SMYD4: variants seen among roughly 807,000 people sequenced by gnomAD.
SMYD4 encodes protein-lysine N-methyltransferase SMYD4.
Under a neutral mutation model 72.8 loss-of-function variants are expected in SMYD4, and 68 were observed. That is an observed-to-expected ratio of 0.93 (90% CI 0.77 to 1.14). The LOEUF (loss-of-function observed/expected upper bound fraction) is 1.14, where lower values mean the gene tolerates loss of function less well. Among genes scored for constraint, SMYD4 ranks in the 50% most tolerant of loss-of-function variants. SMYD4 has a pLI of 0.00. For synonymous variants in SMYD4, 407 were observed against 388.6 expected (o/e 1.05, Z -0.56); for missense variants, 984 against 1,003.7 (o/e 0.98, Z 0.27).
At chr17:1,815,736 G>A (rs1910558800) in intron 2 of SMYD4, among the ~76,000 whole-genome samples, 1 of 149,248 alleles carries the variant, frequency 6.7e-6, no homozygotes, top group South Asian at 2.1e-4. Context: ...GTCTCGCTCT[G>A]TCACCGAGGC....
At chr17:1,783,849 G>A in intron 8 of SMYD4, 1 of 315,748 alleles carries the variant, frequency 3.2e-6, no homozygotes, top group Non-Finnish European at 5.9e-6. Flanking sequence ...TCTAAGGCAG[G>A]GTTTTCAAGG....
At chr17:1,804,801 G>A (rs1909952932) in intron 3 of SMYD4, 86 bp from the exon 4 acceptor site, 1 of 1,336,836 alleles carries the variant, frequency 7.5e-7, no homozygotes, top group East Asian at 2.4e-5. Flanking sequence ...CTCTAGTACT[G>A]AAGACTGTGT....
chr17:1,821,530 A>G (rs564093583), intron 2 of SMYD4, among the ~76,000 whole-genome samples: 1 of 152,214 alleles, frequency 6.6e-6, no homozygotes, highest in East Asian at 1.9e-4. Context: ...AACAAAAACA[A>G]AAAACAAAGT....
Position 1,779,620 on chromosome 17 carries a change from GAGT to G in SMYD4, c.*1663_*1665del, listed in dbSNP as rs1908269244. 1 of 152,272 alleles carries G rather than the reference GAGT, an allele frequency of 6.6e-6. No individual in the cohort carries two copies. The highest frequency in any genetic ancestry group is 2.1e-4 in the South Asian group (1 of 4,836). 9.4% of individuals were successfully genotyped at this position (152,272 alleles called of 1,614,324 possible). ...CCAAGAGTACAGAATGAAGGGCAGA[GAGT>G]AAGGACTGGAAAACTGGCAGGAAAC... On this transcript the variant is annotated 3_prime_UTR_variant, in exon 11 of 11. Transcript: ENST00000305513.
At chr17:1,799,536 AT>A (rs1367788622) in intron 5 of SMYD4, among the ~76,000 whole-genome samples, 1 of 151,432 alleles carries the variant, frequency 6.6e-6, no homozygotes, top group African/African-American at 2.4e-5. Flanking sequence ...TGCCCAGCTA[AT>A]TTTTTTATTT....
rs1387416290 is a variant in SMYD4, at chr17:1,779,936, A to G, written c.*1350T>C. ...TGTTCCAGGGAAACAGACTATCATC[A>G]CTGAGCGAGGTGGAATCCAGCCAAA... On this transcript the variant is annotated 3_prime_UTR_variant, in exon 11 of 11. Coordinates refer to ENST00000305513, the MANE Select transcript of SMYD4 (RefSeq NM_052928.3). 1 of 152,640 alleles carries G rather than the reference A, an allele frequency of 6.6e-6. No homozygotes were observed. The highest frequency in any genetic ancestry group is 1.5e-5 in the Non-Finnish European group (1 of 68,042). 9.5% of individuals were successfully genotyped at this position (152,640 alleles called of 1,614,324 possible).
rs573891754 is a variant in SMYD4 at position 1,787,542 on chromosome 17, C to T, written c.1600G>A (p.Val534Ile). 1.9e-6 allele frequency: 3 copies of T among 1,595,090 alleles called. No individual in the cohort carries two copies. The highest frequency in any genetic ancestry group is 2.7e-5 in the African/African-American group (2 of 74,638). Residue 534 changes from valine to isoleucine, a missense_variant, in exon 6 of 11, where the codon GTT becomes ATT. Val to Ile is a conservative substitution (Grantham distance 29, BLOSUM62 3). Transcript: ENST00000305513. ...QVRLATGIFP[V>I]ISLLNHSCSP... ...CAGGAGTGGTTCAGGAGGCTGATAA[C>T]AGGGAAGATGCCTGTGGCAAGGCGC... is the stretch of plus-strand genomic sequence containing the variant.
At chr17:1,794,068 T>C (rs186029161) in intron 5 of SMYD4, among the ~76,000 whole-genome samples, 10,823 of 59,790 alleles carry the variant, frequency 0.18, 1,231 homozygotes, top group Non-Finnish European at 0.23. Flanking sequence ...TATATATATG[T>C]GTATATATAT....
intron 5 of SMYD4, among the ~76,000 whole-genome samples, chr17:1,790,385 T>C (rs772466067): frequency 1.2e-4 from 18 of 152,190 alleles, no homozygotes; most frequent in African/African-American, 1.9e-4. Context: ...CATCTATTAG[T>C]AGAGATAATA....
Position 1,827,986 on chromosome 17 carries a change from C to T in SMYD4, c.9G>A (p.Leu3=). Residue 3 remains leucine (L), a synonymous_variant, in exon 2 of 11, where the codon CTG becomes CTA. Coordinates refer to ENST00000305513, the MANE Select transcript of SMYD4 (RefSeq NM_052928.3). The stretch of plus-strand genomic sequence containing the variant: ...GATATGATTTCCATTCATCCACAGG[C>T]AGATCCATGCTGCTTTTGATCTATA... MD[L]PVDEWKSYLL... is the part of the protein sequence containing the mutation. 1 of 1,609,904 alleles carries T rather than the reference C, an allele frequency of 6.2e-7. No homozygotes were observed. The highest frequency in any genetic ancestry group is 1.3e-5 in the African/African-American group (1 of 74,982).
chr17:1,820,064 A>C (rs980972536), intron 2 of SMYD4, among the ~76,000 whole-genome samples: 2 of 152,210 alleles, frequency 1.3e-5, no homozygotes, highest in African/African-American at 4.8e-5. Flanking sequence ...CTGGGATTAC[A>C]GGCATGAGCC....
intron 5 of SMYD4, among the ~76,000 whole-genome samples, chr17:1,798,073 T>G (rs1909500050): frequency 6.6e-6 from 1 of 152,022 alleles, no homozygotes; most frequent in Non-Finnish European, 1.5e-5. Flanking sequence ...CAGTCTGGTT[T>G]GACTATTATT....
At chr17:1,801,936 A>G (rs1909785306) in intron 4 of SMYD4, among the ~76,000 whole-genome samples, 1 of 152,104 alleles carries the variant, frequency 6.6e-6, no homozygotes, top group South Asian at 2.1e-4. Context: ...AGATCATGCC[A>G]CTGAACTCCA....
chr17:1,794,105 A>ATATATATATTTT (rs1291818005), intron 5 of SMYD4, among the ~76,000 whole-genome samples: 1 of 12,992 alleles, frequency 7.7e-5, no homozygotes, highest in Admixed American at 1.3e-3. Context: ...ATATATATAT[A>ATATATATATTTT]TTTTTTTTTT....
intron 2 of SMYD4, among the ~76,000 whole-genome samples, chr17:1,824,914 C>T (rs944256064): frequency 3.7e-4 from 56 of 152,278 alleles, no homozygotes; most frequent in South Asian, 1.2e-3. Context: ...CGTGAGCCAC[C>T]GCGCCCGGTG....
intron 5 of SMYD4, among the ~76,000 whole-genome samples, chr17:1,789,198 G>C (rs1469836982): frequency 6.6e-6 from 1 of 151,942 alleles, no homozygotes; most frequent in African/African-American, 2.4e-5. Context: ...GAGTAGCCTG[G>C]CCAAAATGGC....
chr17:1,787,398 T>C, intron 6 of SMYD4, 24 bp downstream of exon 6: 1 of 1,551,160 alleles, frequency 6.4e-7, no homozygotes, highest in Non-Finnish European at 8.7e-7. Flanking sequence ...AAGGGCAGGA[T>C]GGCAGTGCGG....
At chr17:1,817,443 G>C (rs1445727793) in intron 2 of SMYD4, among the ~76,000 whole-genome samples, 2 of 152,068 alleles carry the variant, frequency 1.3e-5, no homozygotes, top group Non-Finnish European at 2.9e-5. Flanking sequence ...CCAGGCTCAA[G>C]TAATCCTCCC....
intron 3 of SMYD4, among the ~76,000 whole-genome samples, chr17:1,806,129 G>A (rs1247268257): frequency 6.6e-6 from 1 of 151,876 alleles, no homozygotes; most frequent in African/African-American, 2.4e-5. Context: ...GTTTCACCGT[G>A]TTAGCCAGGA....
Sources: allele counts gnomAD v4.1 joint callset (sites outside exome capture counted in the v4.1 genomes callset), GRCh38; gene constraint gnomAD v4.1.1; transcripts MANE v1.5; gene names NCBI Gene and HGNC (gene_info 2026-07-23, HGNC 2026-07-21).